TMEM278: variants seen among roughly 807,000 people sequenced by gnomAD.
The protein encoded by TMEM278 is transmembrane protein 88B.
the TMEM278 span, chr1:1,427,616 C>T: frequency 7.5e-7 from 1 of 1,326,312 alleles, no homozygotes; most frequent in South Asian, 1.8e-5. Flanking sequence ...CCGCGGCGCT[C>T]ATCGTGTTCG....
the TMEM278 span, among the ~76,000 whole-genome samples, chr1:1,428,494 C>T: frequency 5.9e-5 from 9 of 152,070 alleles, no homozygotes; most frequent in Admixed American, 2.0e-4. Context: ...CTCACCAGCG[C>T]GTCCTAGCTG....
chr1:1,427,997 G>C, the TMEM278 span, among the ~76,000 whole-genome samples: 1 of 84,790 alleles, frequency 1.2e-5, no homozygotes, highest in African/African-American at 3.8e-5. Context: ...GGGAGGGGAA[G>C]AGAGGGGAGG....
the TMEM278 span, among the ~76,000 whole-genome samples, chr1:1,428,179 G>T: frequency 2.9e-5 from 4 of 139,378 alleles, no homozygotes; most frequent in Non-Finnish European, 1.5e-5. Flanking sequence ...AGAGGAGAGG[G>T]GAGGGGAAGA....
At chr1:1,426,214 C>G in the TMEM278 span, 2 of 1,413,896 alleles carry the variant, frequency 1.4e-6, no homozygotes, top group Non-Finnish European at 1.9e-6. Flanking sequence ...GGGGACCTCC[C>G]GACCACCAGG....
the TMEM278 span, chr1:1,426,510 C>T: frequency 1.4e-6 from 1 of 739,702 alleles, no homozygotes; most frequent in South Asian, 3.4e-5. Context: ...TGTGCCCCTC[C>T]CTGGCAGCCC....
the TMEM278 span, chr1:1,427,575 C>G: frequency 1.6e-6 from 2 of 1,216,644 alleles, no homozygotes; most frequent in Non-Finnish European, 2.0e-6. Context: ...TCCGGGTCCC[C>G]GGTGCCGCGC....
chr1:1,427,193 GC>G, the TMEM278 span, among the ~76,000 whole-genome samples: 1 of 131,976 alleles, frequency 7.6e-6, no homozygotes, highest in South Asian at 2.5e-4. Context: ...GTCTCCCTTT[GC>G]CGTGGCCCTG....
At chr1:1,426,409 G>C in the TMEM278 span, 1 of 1,352,964 alleles carries the variant, frequency 7.4e-7, no homozygotes, top group Admixed American at 3.6e-5. Context: ...CCGTGGGCGG[G>C]GGACTAGCTG....
chr1:1,426,221 C>G, the TMEM278 span: 2 of 1,417,036 alleles, frequency 1.4e-6, no homozygotes, highest in African/African-American at 1.5e-5. Context: ...TCCCGACCAC[C>G]AGGCCTCAGC....
the TMEM278 span, among the ~76,000 whole-genome samples, chr1:1,428,739 G>T: frequency 1.3e-5 from 2 of 152,066 alleles, no homozygotes; most frequent in African/African-American, 4.8e-5. Context: ...GGTGGCTCAC[G>T]CCTGTAATCC....
At chr1:1,426,667 C>T in the TMEM278 span, among the ~76,000 whole-genome samples, 2 of 152,068 alleles carry the variant, frequency 1.3e-5, no homozygotes, top group African/African-American at 4.8e-5. Context: ...GGGGAGAGAA[C>T]GGGGTTCCAG....
the TMEM278 span, chr1:1,426,177 C>T: frequency 3.5e-6 from 5 of 1,416,746 alleles, no homozygotes; most frequent in Middle Eastern, 2.3e-4. Context: ...GGAGGTGGTG[C>T]TTCCGACACA....
chr1:1,427,623 T>G, the TMEM278 span: 1 of 1,312,196 alleles, frequency 7.6e-7, no homozygotes, highest in East Asian at 3.5e-5. Context: ...GCTCATCGTG[T>G]TCGGGCTTCT....
chr1:1,428,286 C>G, the TMEM278 span, among the ~76,000 whole-genome samples: 1 of 151,846 alleles, frequency 6.6e-6, no homozygotes, highest in Admixed American at 6.5e-5. Flanking sequence ...CTGCCCAGGT[C>G]CCGGCCTCCA....
chr1:1,426,999 C>T, the TMEM278 span, among the ~76,000 whole-genome samples: 1 of 151,260 alleles, frequency 6.6e-6, no homozygotes, highest in Non-Finnish European at 1.5e-5. Flanking sequence ...ACTGCCTGGC[C>T]CACAGCGGCC....
chr1:1,426,500 T>A, the TMEM278 span: 1 of 855,968 alleles, frequency 1.2e-6, no homozygotes, highest in Non-Finnish European at 1.6e-6. Flanking sequence ...CAGAGACACG[T>A]GTGCCCCTCC....
the TMEM278 span, chr1:1,427,791 G>A: frequency 2.2e-6 from 3 of 1,377,806 alleles, no homozygotes; most frequent in African/African-American, 1.6e-5. Context: ...GGTGTGACCC[G>A]GCGGCCGCTG....
chr1:1,426,597 C>T, the TMEM278 span, among the ~76,000 whole-genome samples: 1 of 152,274 alleles, frequency 6.6e-6, no homozygotes, highest in East Asian at 1.9e-4. Context: ...TCTGTCCCTT[C>T]CCTGAGGCCT....
chr1:1,426,123 G>A, the TMEM278 span: 6 of 1,388,480 alleles, frequency 4.3e-6, no homozygotes, highest in Non-Finnish European at 5.6e-6. Flanking sequence ...TGCAGTGGCA[G>A]GAGCATGAGT....
Sources: allele counts gnomAD v4.1 joint callset (sites outside exome capture counted in the v4.1 genomes callset), GRCh38; gene constraint gnomAD v4.1.1; transcripts MANE v1.5; gene names NCBI Gene and HGNC (gene_info 2026-07-23, HGNC 2026-07-21).